The following RFC3 variants were observed in gnomAD, a reference collection of about 807,000 sequenced individuals.
RFC3 encodes A1 38 kDa subunit.
In RFC3, 41 loss-of-function variants were observed where a neutral mutation model predicts 45.1. The ratio of observed to expected loss-of-function variants is 0.91; its 90% CI spans 0.71 to 1.18. The LOEUF (loss-of-function observed/expected upper bound fraction) is 1.18, where lower values mean the gene tolerates loss of function less well. RFC3 is among the 50% of genes most tolerant of loss of function. The pLI, the probability that RFC3 is intolerant of heterozygous loss-of-function variation, is 0.00. For synonymous variants in RFC3, 149 were observed against 144.0 expected (o/e 1.03, Z -0.25); for missense variants, 423 against 428.1 (o/e 0.99, Z 0.10).
intron 8 of RFC3, among the ~76,000 whole-genome samples, chr13:33,890,962 G>C (rs1037119482): frequency 3.9e-5 from 6 of 152,020 alleles, no homozygotes; most frequent in African/African-American, 1.4e-4. Context: ...GAATATTATT[G>C]GGTATCAATC....
At chr13:33,941,026 G>A (rs1216590665) in intron 8 of RFC3, among the ~76,000 whole-genome samples, 1 of 152,214 alleles carries the variant, frequency 6.6e-6, no homozygotes, top group Non-Finnish European at 1.5e-5. Flanking sequence ...CTTTTGTGCA[G>A]ATGAGGAAAC....
chr13:33,886,941 A>G (rs1407299691), intron 8 of RFC3, among the ~76,000 whole-genome samples: 3 of 149,036 alleles, frequency 2.0e-5, no homozygotes, highest in African/African-American at 7.4e-5. Context: ...AATTTCATCC[A>G]TGTCCCTACA....
intron 8 of RFC3, among the ~76,000 whole-genome samples, chr13:33,880,762 G>A (rs2137595201): frequency 6.6e-6 from 1 of 152,230 alleles, no homozygotes; most frequent in African/African-American, 2.4e-5. Flanking sequence ...ACATACAGAT[G>A]TGCACGCATT....
At chr13:33,936,475 G>T (rs1402480773) in intron 8 of RFC3, among the ~76,000 whole-genome samples, 1 of 152,094 alleles carries the variant, frequency 6.6e-6, no homozygotes, top group Non-Finnish European at 1.5e-5. Flanking sequence ...TAAGGTCCTT[G>T]AAGATGAAAT....
In RFC3 at chr13:33,836,832, T is replaced by A. The variant is rs777795677; in HGVS notation, c.*537T>A. 5.1e-6 allele frequency: 5 copies of A among 985,780 alleles called. No individual in the cohort carries two copies. Among genetic ancestry groups the A allele is most frequent in the Non-Finnish European group, 6.0e-6 (5 of 830,140 alleles). 61.1% of individuals were successfully genotyped at this position (985,780 alleles called of 1,614,324 possible). On this transcript the variant is annotated 3_prime_UTR_variant, in exon 9 of 9. Coordinates refer to ENST00000380071, the MANE Select transcript of RFC3 (RefSeq NM_002915.4). ...TCTGTTGAGGCTGCAGATTTCCAAC[T>A]TTTATTTCAGTGGTTCAGATTAGTA... is the stretch of plus-strand genomic sequence containing the variant.
intron 8 of RFC3, among the ~76,000 whole-genome samples, chr13:33,862,599 T>A (rs68139804): frequency 0.035 from 5,277 of 152,268 alleles, 154 homozygotes; most frequent in East Asian, 0.14. Flanking sequence ...AAGCGAGACA[T>A]GTTATAGGTT....
At chr13:33,851,386 C>T (rs2082275665) in intron 8 of RFC3, among the ~76,000 whole-genome samples, 1 of 152,134 alleles carries the variant, frequency 6.6e-6, no homozygotes. Context: ...TGACCAGAGC[C>T]TTACCAACAA....
intron 8 of RFC3, among the ~76,000 whole-genome samples, chr13:33,951,357 G>A (rs565196876): frequency 1.3e-5 from 2 of 151,032 alleles, no homozygotes; most frequent in East Asian, 2.0e-4. Context: ...TCAGCCTCCC[G>A]AGTAGCTGGG....
chr13:33,921,546 T>C (rs914965041), intron 8 of RFC3, among the ~76,000 whole-genome samples: 5 of 152,136 alleles, frequency 3.3e-5, no homozygotes, highest in African/African-American at 1.2e-4. Context: ...TTTGCTGTTT[T>C]TAAGGAGGAG....
intron 8 of RFC3, among the ~76,000 whole-genome samples, chr13:33,949,111 C>A (rs1215831060): frequency 6.6e-6 from 1 of 152,048 alleles, no homozygotes; most frequent in Admixed American, 6.5e-5. Context: ...CCTTTCCCCA[C>A]GTGTCAAGTG....
At chr13:33,936,243 G>T (rs1023540250) in intron 8 of RFC3, among the ~76,000 whole-genome samples, 1 of 152,070 alleles carries the variant, frequency 6.6e-6, no homozygotes, top group African/African-American at 2.4e-5. Context: ...GGCAGGTGAG[G>T]GTTACTATCA....
At chr13:33,939,126 T>C (rs1254113170) in intron 8 of RFC3, among the ~76,000 whole-genome samples, 1 of 152,188 alleles carries the variant, frequency 6.6e-6, no homozygotes, top group Non-Finnish European at 1.5e-5. Flanking sequence ...CATTATAATA[T>C]TAATTTGTAG....
chr13:33,886,903 C>G (rs1421508946), intron 8 of RFC3, among the ~76,000 whole-genome samples: 1 of 149,260 alleles, frequency 6.7e-6, no homozygotes, highest in South Asian at 2.1e-4. Context: ...TTTGTTCTTG[C>G]GATAGTTTAC....
At chr13:33,838,873 G>GT (rs1003419914), downstream of RFC3, among the ~76,000 whole-genome samples, 3 of 151,930 alleles carry the variant, frequency 2.0e-5, no homozygotes, top group African/African-American at 7.3e-5. Flanking sequence ...TTTTTCTGAC[G>GT]TTTTTTCCTC....
At chr13:33,894,259 G>C (rs1593672414) in intron 8 of RFC3, among the ~76,000 whole-genome samples, 1 of 152,140 alleles carries the variant, frequency 6.6e-6, no homozygotes. Flanking sequence ...ATGGGGGAGG[G>C]CCATAACCCT....
chr13:33,839,753 G>A (rs73172033), downstream of RFC3, among the ~76,000 whole-genome samples: 25 of 152,250 alleles, frequency 1.6e-4, no homozygotes, highest in Non-Finnish European at 3.1e-4. Context: ...TTTAAAGCCC[G>A]AAAAAGTTTA....
chr13:33,901,288 C>A (rs2082640280), intron 8 of RFC3, among the ~76,000 whole-genome samples: 1 of 151,902 alleles, frequency 6.6e-6, no homozygotes, highest in Non-Finnish European at 1.5e-5. Context: ...TGGAATCAAC[C>A]TAAGTGCCCA....
At chr13:33,883,253 G>A (rs1322137035) in intron 8 of RFC3, among the ~76,000 whole-genome samples, 1 of 152,176 alleles carries the variant, frequency 6.6e-6, no homozygotes, top group Non-Finnish European at 1.5e-5. Flanking sequence ...ATTGTATTTT[G>A]TAGCAGTCCA....
chr13:33,891,505 G>T (rs1033493832), intron 8 of RFC3, among the ~76,000 whole-genome samples: 34 of 152,116 alleles, frequency 2.2e-4, no homozygotes, highest in African/African-American at 8.0e-4. Flanking sequence ...AAGACAAAAA[G>T]GTACTTAGTG....
Sources: gnomAD v4.1 joint callset for allele counts (sites outside exome capture counted in the v4.1 genomes callset) on GRCh38, gnomAD v4.1.1 for gene constraint, MANE v1.5 for transcripts, NCBI Gene and HGNC (gene_info 2026-07-23, HGNC 2026-07-21) for gene names.